CIMAP2: variants seen among roughly 807,000 people sequenced by gnomAD.
The protein encoded by CIMAP2 is ciliary microtubule associated protein 2, also known as ciliary microtubule-associated protein 2.
the CIMAP2 span, among the ~76,000 whole-genome samples, chr1:54,832,413 A>T: frequency 2.0e-5 from 3 of 152,242 alleles, no homozygotes; most frequent in African/African-American, 4.8e-5. Context: ...TTGTAAACAT[A>T]ATACAACAAA....
the CIMAP2 span, chr1:54,816,971 A>G: frequency 2.5e-6 from 4 of 1,614,072 alleles, no homozygotes; most frequent in Non-Finnish European, 3.4e-6. Flanking sequence ...ATGTCCTGCC[A>G]TCCTCTCCCT....
At chr1:54,816,912 C>T in the CIMAP2 span, 1 of 1,562,368 alleles carries the variant, frequency 6.4e-7, no homozygotes, top group Admixed American at 1.7e-5. Context: ...GGGAAGCGTC[C>T]AAGGGGAGGA....
the CIMAP2 span, chr1:54,806,927 T>C: frequency 1.4e-6 from 2 of 1,455,810 alleles, no homozygotes; most frequent in Non-Finnish European, 1.9e-6. Flanking sequence ...TCCCCCATGC[T>C]CCAGAACTGC....
chr1:54,811,976 A>G, the CIMAP2 span: 77 of 1,614,020 alleles, frequency 4.8e-5, no homozygotes, highest in South Asian at 6.8e-4. Flanking sequence ...CCCGTCCTGC[A>G]GGGGCACTCC....
the CIMAP2 span, among the ~76,000 whole-genome samples, chr1:54,816,034 A>G: frequency 2.2e-3 from 336 of 152,286 alleles, 10 homozygotes; most frequent in East Asian, 0.06. Flanking sequence ...CACCCCCTGC[A>G]GGGGAGAAAG....
chr1:54,813,655 G>C, the CIMAP2 span, among the ~76,000 whole-genome samples: 2 of 107,016 alleles, frequency 1.9e-5, no homozygotes, highest in African/African-American at 7.6e-5. Flanking sequence ...CCCTTGTCAG[G>C]GGGGCCTTGA....
the CIMAP2 span, among the ~76,000 whole-genome samples, chr1:54,825,297 C>T: frequency 4.6e-5 from 7 of 151,778 alleles, no homozygotes; most frequent in South Asian, 2.1e-4. Context: ...GTGATCCTCC[C>T]GCCTCGGCCT....
the CIMAP2 span, among the ~76,000 whole-genome samples, chr1:54,826,716 T>C: frequency 6.6e-6 from 1 of 152,348 alleles, no homozygotes; most frequent in East Asian, 1.9e-4. Flanking sequence ...ACAGGGGATC[T>C]CTTGCTCACC....
chr1:54,811,783 C>T, the CIMAP2 span: 6 of 1,349,864 alleles, frequency 4.4e-6, no homozygotes, highest in East Asian at 2.6e-5. Flanking sequence ...GCCCCCACCC[C>T]CGCCCCACAG....
the CIMAP2 span, among the ~76,000 whole-genome samples, chr1:54,836,106 CAT>C: frequency 1.0e-3 from 155 of 152,126 alleles, 2 homozygotes; most frequent in Middle Eastern, 0.017. Context: ...AACCCCTCTG[CAT>C]GTTTACTCTG....
chr1:54,807,931 T>C, the CIMAP2 span: 3 of 1,609,174 alleles, frequency 1.9e-6, no homozygotes, highest in Non-Finnish European at 8.5e-7. Context: ...CAAAGACTTC[T>C]TAGAACAGCT....
At chr1:54,837,773 G>T in the CIMAP2 span, among the ~76,000 whole-genome samples, 1 of 152,138 alleles carries the variant, frequency 6.6e-6, no homozygotes, top group African/African-American at 2.4e-5. Context: ...CCAACAACGT[G>T]CAAGGAAGTC....
At chr1:54,824,667 G>A in the CIMAP2 span, among the ~76,000 whole-genome samples, 1 of 151,776 alleles carries the variant, frequency 6.6e-6, no homozygotes, top group Admixed American at 6.6e-5. Flanking sequence ...GTGTATTGTT[G>A]AAGTTCTTGA....
chr1:54,837,601 G>A, the CIMAP2 span, among the ~76,000 whole-genome samples: 2 of 152,160 alleles, frequency 1.3e-5, no homozygotes, highest in African/African-American at 4.8e-5. Flanking sequence ...CTGCCCAGTG[G>A]TGGGACAGTT....
the CIMAP2 span, among the ~76,000 whole-genome samples, chr1:54,839,858 C>T: frequency 0.019 from 2,957 of 152,154 alleles, 123 homozygotes; most frequent in African/African-American, 0.067. Flanking sequence ...TCGAGCAATC[C>T]TCCCACCTCA....
chr1:54,807,393 T>C, the CIMAP2 span: 1 of 1,172,988 alleles, frequency 8.5e-7, no homozygotes, highest in Non-Finnish European at 1.2e-6. Flanking sequence ...CCAGCCTTAG[T>C]GCTGAGGGTG....
chr1:54,836,278 T>A, the CIMAP2 span, among the ~76,000 whole-genome samples: 2 of 53,986 alleles, frequency 3.7e-5, 1 homozygote. Context: ...CCTGCCTACC[T>A]GCCCGCCTGC....
the CIMAP2 span, among the ~76,000 whole-genome samples, chr1:54,834,750 T>G: frequency 6.6e-6 from 1 of 152,250 alleles, no homozygotes; most frequent in Non-Finnish European, 1.5e-5. Context: ...TTTAAATAAT[T>G]TTGTGCATTA....
chr1:54,812,115 G>A, the CIMAP2 span: 15 of 1,614,172 alleles, frequency 9.3e-6, no homozygotes, highest in African/African-American at 1.3e-5. Flanking sequence ...ACGATCCGTC[G>A]GCACCCGCGG....
Sources: allele counts gnomAD v4.1 joint callset (sites outside exome capture counted in the v4.1 genomes callset), GRCh38; gene constraint gnomAD v4.1.1; transcripts MANE v1.5; gene names NCBI Gene and HGNC (gene_info 2026-07-23, HGNC 2026-07-21).